Variants in AVEN observed in about 807,000 individuals in gnomAD.
The protein encoded by AVEN is apoptosis and caspase activation inhibitor.
Under a neutral mutation model 38.1 loss-of-function variants are expected in AVEN, and 41 were observed. The observed-to-expected ratio is 1.08, with a 90% CI of 0.84 to 1.40. The LOEUF is 1.40. Among genes scored for constraint, AVEN ranks in the 40% most tolerant of loss-of-function variants. The pLI is 0.00. For missense variants in AVEN, 605 were observed against 438.8 expected (o/e 1.38, Z -3.38); for synonymous variants, 206 against 171.8 (o/e 1.20, Z -1.56).
downstream of AVEN, chr15:33,864,310 C>G: frequency 2.7e-6 from 2 of 748,048 alleles, no homozygotes; most frequent in African/African-American, 3.5e-5. Flanking sequence ...ATGCATTTTC[C>G]CATCACCTTT....
At chr15:33,977,941 A>G (rs180937219) in intron 2 of AVEN, among the ~76,000 whole-genome samples, 2 of 151,294 alleles carry the variant, frequency 1.3e-5, no homozygotes, top group African/African-American at 2.4e-5. Context: ...GTCAAAACAG[A>G]GAAAAAAGAA....
chr15:33,925,547 G>A (rs1893577287), intron 2 of AVEN, among the ~76,000 whole-genome samples: 1 of 152,230 alleles, frequency 6.6e-6, no homozygotes, highest in African/African-American at 2.4e-5. Context: ...ACCATAGGCA[G>A]TGCTTTTAAG....
At chr15:33,943,981 T>C (rs904062152) in intron 2 of AVEN, among the ~76,000 whole-genome samples, 1 of 152,044 alleles carries the variant, frequency 6.6e-6, no homozygotes, top group Non-Finnish European at 1.5e-5. Flanking sequence ...TGATTCTTTC[T>C]CCTCAGCCTC....
chr15:33,888,191 G>A (rs552782977), intron 2 of AVEN, among the ~76,000 whole-genome samples: 17 of 152,292 alleles, frequency 1.1e-4, no homozygotes, highest in African/African-American at 3.6e-4. Flanking sequence ...ACTGTATTAA[G>A]TGCTGAAAAT....
At position 34,003,097 on chromosome 15, in the gene AVEN, T is replaced by G; in HGVS notation, c.380A>C (p.Glu127Ala). The G allele has an allele frequency of 6.2e-7, 1 of 1,613,928 alleles. No individual in the cohort carries two copies. The highest frequency in any genetic ancestry group is 1.3e-5 in the African/African-American group (1 of 75,050). The part of the protein sequence containing the change: ...NWDRYQDIEK[E>A]VNNESGESQR... ...TGACTCTCCACTTTCATTATTGACC[T>G]CTTTTTCAATATCTTGATATCGATC... Residue 127 changes from glutamate (E) to alanine (A), a missense_variant, in exon 2 of 6, where the codon GAG becomes GCG. Transcript: ENST00000306730.
intron 2 of AVEN, among the ~76,000 whole-genome samples, chr15:33,890,578 A>C: frequency 6.6e-6 from 1 of 152,266 alleles, no homozygotes; most frequent in East Asian, 1.9e-4. Context: ...AAAATACAGA[A>C]TTCTGTTTGC....
At chr15:33,954,744 T>A (rs1354041633) in intron 2 of AVEN, among the ~76,000 whole-genome samples, 2 of 152,122 alleles carry the variant, frequency 1.3e-5, no homozygotes, top group Non-Finnish European at 2.9e-5. Context: ...ATGGCACATG[T>A]ATACATATGT....
At chr15:34,030,551 T>C (rs1015614906) in intron 1 of AVEN, among the ~76,000 whole-genome samples, 45 of 151,996 alleles carry the variant, frequency 3.0e-4, no homozygotes, top group Admixed American at 3.9e-4. Flanking sequence ...TTTCATTGTG[T>C]TAGGCTGACC....
intron 2 of AVEN, among the ~76,000 whole-genome samples, chr15:33,949,804 T>A (rs1266572486): frequency 1.3e-5 from 2 of 152,218 alleles, no homozygotes; most frequent in East Asian, 3.8e-4. Flanking sequence ...GGGAAACAGA[T>A]GGAGGTTCCT....
At chr15:33,880,680 G>A (rs916849712) in intron 2 of AVEN, among the ~76,000 whole-genome samples, 3 of 152,034 alleles carry the variant, frequency 2.0e-5, no homozygotes, top group Admixed American at 6.6e-5. Flanking sequence ...AATTTACAAT[G>A]TCCAATATTC....
At chr15:33,891,135 AT>A (rs1379734548) in intron 2 of AVEN, among the ~76,000 whole-genome samples, 2 of 152,082 alleles carry the variant, frequency 1.3e-5, no homozygotes, top group Admixed American at 6.6e-5. Flanking sequence ...ATATACTAAA[AT>A]GTCTGGCTTT....
intron 5 of AVEN, among the ~76,000 whole-genome samples, chr15:34,049,924 A>G (rs564071157): frequency 5.5e-5 from 8 of 145,362 alleles, no homozygotes; most frequent in Non-Finnish European, 9.0e-5. Flanking sequence ...ATCTCACTCC[A>G]TCACCTAGGC....
downstream of AVEN, among the ~76,000 whole-genome samples, chr15:33,855,365 G>A (rs2079544756): frequency 6.6e-6 from 1 of 152,122 alleles, no homozygotes. Flanking sequence ...CACCATGCCC[G>A]GCTAATTTTT....
At chr15:33,865,340 TAA>T (rs200704038), downstream of AVEN, 1 of 622,120 alleles carries the variant, frequency 1.6e-6, no homozygotes, top group Non-Finnish European at 2.6e-6. Context: ...ATGCCTCCCT[TAA>T]AAAAAAAACT....
At chr15:33,873,468 T>C (rs1891085148) in intron 3 of AVEN, among the ~76,000 whole-genome samples, 1 of 148,808 alleles carries the variant, frequency 6.7e-6, no homozygotes, top group South Asian at 2.1e-4. Flanking sequence ...ACAAATTACA[T>C]ATATGTGTGT....
At chr15:33,980,706 C>A (rs1252198941) in intron 2 of AVEN, among the ~76,000 whole-genome samples, 3 of 152,152 alleles carry the variant, frequency 2.0e-5, no homozygotes, top group Non-Finnish European at 4.4e-5. Context: ...GCCCATTTAT[C>A]ATTATCTGTA....
Position 33,867,726 on chromosome 15 carries a change from CCA to C in AVEN, c.740_741del (p.Val247GlyfsTer44). On this transcript the variant is annotated frameshift_variant, in exon 5 of 6. Transcript: ENST00000306730. LOFTEE classifies it high-confidence loss of function. The part of the protein sequence containing the change: ...GRGPIFELKS[V>X]AAGCPVLLGK... ...CCCAGCAACACAGGGCAGCCAGCAG[CCA>C]CAGATTTCAGCTCAAAGATGGGCCC... is the stretch of plus-strand genomic sequence containing the variant. The C allele has an allele frequency of 1.9e-6, 3 of 1,614,156 alleles. No individual in the cohort carries two copies.
chr15:33,999,205 T>C (rs1897049120), intron 2 of AVEN, among the ~76,000 whole-genome samples: 1 of 152,230 alleles, frequency 6.6e-6, no homozygotes. Context: ...TCTGACTCTC[T>C]CAGAGTGGGG....
At chr15:34,048,937 C>A (rs1198772469) in intron 5 of AVEN, among the ~76,000 whole-genome samples, 2 of 152,190 alleles carry the variant, frequency 1.3e-5, no homozygotes, top group African/African-American at 4.8e-5. Context: ...CTGGAGTGGA[C>A]CCACGGCAAA....
Sources: gnomAD v4.1 joint callset for allele counts (sites outside exome capture counted in the v4.1 genomes callset) on GRCh38, gnomAD v4.1.1 for gene constraint, MANE v1.5 for transcripts, NCBI Gene and HGNC (gene_info 2026-07-23, HGNC 2026-07-21) for gene names.